COL5A1: variants seen among roughly 807,000 people sequenced by gnomAD.
COL5A1 encodes collagen alpha-1(V) chain.
A neutral mutation model predicts 263.7 loss-of-function variants in COL5A1; 16 were observed. The observed-to-expected ratio is 0.06, with a 90% CI of 0.04 to 0.09. COL5A1 has a LOEUF of 0.09. COL5A1 is among the 10% of genes least tolerant of loss of function. The probability of loss-of-function intolerance (pLI) is 1.00; values close to 1 mark genes in which losing one functional copy is unlikely to be tolerated. For missense variants in COL5A1, 2,036 were observed against 2,540.5 expected (o/e 0.80, Z 4.27); for synonymous variants, 1,012 against 1,004.5 (o/e 1.01, Z -0.14).
chr9:134,835,167 A>G lies in COL5A1; in HGVS notation c.5333A>G (p.Asn1778Ser). 6.2e-7 allele frequency: 1 copy of G among 1,613,770 alleles called. No homozygotes were observed. The highest frequency in any genetic ancestry group is 8.5e-7 in the Non-Finnish European group (1 of 1,180,020). Residue 1778 changes from asparagine to serine, a missense_variant, in exon 65 of 66, where the codon AAC (asparagine) becomes AGC (serine). By Grantham distance (46) the Asn-to-Ser change is conservative. Coordinates refer to ENST00000371817, the MANE Select transcript of COL5A1 (RefSeq NM_000093.5). ...GSNDEEMSYDNNPYIRALVDG... is the reference protein window; with the variant it reads ...GSNDEEMSYDSNPYIRALVDG... The stretch of plus-strand genomic sequence containing the variant: ...AACGACGAGGAGATGTCCTATGACA[A>G]CAACCCCTACATCCGCGCCCTGGTG...
At chr9:134,663,121 C>G (rs1354364507) in intron 1 of COL5A1, among the ~76,000 whole-genome samples, 1 of 152,260 alleles carries the variant, frequency 6.6e-6, no homozygotes, top group Admixed American at 6.5e-5. Flanking sequence ...TCCTGAACAA[C>G]TGTTCTCTGC....
chr9:134,762,731 G>A (rs778832183), intron 19 of COL5A1, among the ~76,000 whole-genome samples: 18 of 152,186 alleles, frequency 1.2e-4, no homozygotes, highest in South Asian at 6.2e-4. Flanking sequence ...GCAGCTCCAG[G>A]GGCATTTCTG....
intron 4 of COL5A1, among the ~76,000 whole-genome samples, chr9:134,707,193 G>A (rs3922912): frequency 0.38 from 57,442 of 152,046 alleles, 11,964 homozygotes; most frequent in Admixed American, 0.56. Context: ...GGGGACAGCC[G>A]GCCAGCGAGT....
chr9:134,743,037 T>C (rs1342068237), intron 11 of COL5A1, among the ~76,000 whole-genome samples: 2 of 152,184 alleles, frequency 1.3e-5, no homozygotes, highest in African/African-American at 4.8e-5. Flanking sequence ...GAGCGCCCCC[T>C]ACATCCATTC....
chr9:134,706,768 G>T (rs1833849955), intron 4 of COL5A1, among the ~76,000 whole-genome samples: 1 of 152,204 alleles, frequency 6.6e-6, no homozygotes, highest in Non-Finnish European at 1.5e-5. Context: ...AGCCCTCCCC[G>T]CACAGGCCCT....
Position 134,750,595 on chromosome 9 carries a change from A to G in COL5A1, c.1548A>G (p.Pro516=), listed in dbSNP as rs775862237. The change falls in exon 12 of 66, where the codon CCA becomes CCG. Residue 516 remains proline (P), a synonymous_variant. Transcript: ENST00000371817. Reference sequence around the variant, plus strand: ...GGGCCGATGGCCTGCCCGGTCCTCCAGGAACCATGCTCATGCTGCCCGTGA... The same window carrying G: ...GGGCCGATGGCCTGCCCGGTCCTCCGGGAACCATGCTCATGCTGCCCGTGA... The part of the protein sequence containing the change: ...LPGADGLPGP[P]GTMLMLPFRF... 2 of 1,613,416 alleles carry G rather than the reference A, an allele frequency of 1.2e-6. No individual in the cohort carries two copies. Among genetic ancestry groups the G allele is most frequent in the African/African-American group, 1.3e-5 (1 of 74,946 alleles).
chr9:134,708,115 C>T (rs1487063269), intron 4 of COL5A1, among the ~76,000 whole-genome samples: 2 of 152,072 alleles, frequency 1.3e-5, no homozygotes, highest in Non-Finnish European at 2.9e-5. Flanking sequence ...GGGCTTTCCC[C>T]GCCTTGGAAG....
chr9:134,691,006 C>T lies in COL5A1; in HGVS notation c.204C>T (p.Ser68=). 6.2e-7 allele frequency: 1 copy of T among 1,613,824 alleles called. No individual in the cohort carries two copies. The highest frequency in any genetic ancestry group is 8.5e-7 in the Non-Finnish European group (1 of 1,180,052). ...GCTTTTGCGCCACGCGGCGATCTTCCAAAGGCCCGGATGTCGCTTACAGAG... is the reference window on the plus strand; with the variant it reads ...GCTTTTGCGCCACGCGGCGATCTTCTAAAGGCCCGGATGTCGCTTACAGAG... ...TTGFCATRRS[S]KGPDVAYRVT... Residue 68 remains serine, a synonymous_variant, in exon 2 of 66, where the codon TCC becomes TCT. Transcript: ENST00000371817.
chr9:134,795,172 T>C (rs755551893), intron 33 of COL5A1, 46 bp downstream of exon 33: 3 of 1,613,228 alleles, frequency 1.9e-6, no homozygotes, highest in Non-Finnish European at 2.5e-6. Flanking sequence ...AACGGGAGCA[T>C]GGTTTAGGGA....
chr9:134,656,130 C>T lies in COL5A1; in HGVS notation c.109+13834C>T, dbSNP rs565677439. ...TCACAGTGGACAGGTGCAGGAGCCC[C>T]GGGGCCCCACCTTGCAGCTTCAGAT... On this transcript the variant is annotated intron_variant, in intron 1 of 65. Transcript: ENST00000371817. Among the ~76,000 whole-genome samples the T allele has an allele frequency of 5.3e-5, 8 of 152,206 alleles. No homozygotes were observed. In the South Asian group the frequency reaches 1.0e-3, roughly 20 times the overall value.
At position 134,727,266 on chromosome 9, in the gene COL5A1, G is replaced by A; in HGVS notation, c.655G>A (p.Gly219Ser). 6.2e-7 allele frequency: 1 copy of A among 1,613,668 alleles called. No homozygotes were observed. Among genetic ancestry groups the A allele is most frequent in the South Asian group, 1.1e-5 (1 of 91,058 alleles). Residue 219 changes from glycine (G) to serine (S), a missense_variant and splice_region_variant, in exon 5 of 66, where the codon GGT becomes AGT. Gly to Ser is a moderately conservative substitution (Grantham distance 56). Coordinates refer to ENST00000371817, the MANE Select transcript of COL5A1 (RefSeq NM_000093.5). ...TTCATGAGCGTCTCTTCTTTTCCAG[G>A]GTGACATCCAGCAGCTGCTCTTTGT... ...TRILDEEVFE[G>S]DIQQLLFVSD...
intron 31 of COL5A1, among the ~76,000 whole-genome samples, chr9:134,786,701 T>C (rs1837471203): frequency 6.8e-6 from 1 of 147,470 alleles, no homozygotes; most frequent in South Asian, 2.1e-4. Context: ...TTGAAAATGT[T>C]ATTTTTTTTC....
intron 11 of COL5A1, among the ~76,000 whole-genome samples, chr9:134,740,246 C>A (rs899805875): frequency 6.6e-6 from 1 of 152,212 alleles, no homozygotes; most frequent in Non-Finnish European, 1.5e-5. Context: ...AAACTCCAGA[C>A]AGGCAACAGC....
rs113990411 is a variant in COL5A1 at position 134,716,004 on chromosome 9, G to A, written c.655-11262G>A. The stretch of plus-strand genomic sequence containing the variant: ...GGTGGTGGTGGTGGTGGTGGTGGTG[G>A]TGATGATGTTAGTAGTGTGTTGGTT... On this transcript the variant is annotated intron_variant, in intron 4 of 65. Transcript: ENST00000371817. This position sits in a 1 kb window ranked among gnomAD's most constrained non-coding sequence, Gnocchi z 4.5. 0.023 allele frequency among the ~76,000 whole-genome samples: 3,105 copies of A among 135,164 alleles called. 110 individuals carry two copies. Among genetic ancestry groups the A allele is most frequent in the African/African-American group, 0.075 (2,908 of 38,758 alleles). 88.7% of individuals were successfully genotyped at this position (135,164 alleles called of 152,430 possible).
At chr9:134,825,718 C>T (rs1329553586) in intron 62 of COL5A1, 74 bp from the exon 63 acceptor site, 1 of 950,946 alleles carries the variant, frequency 1.1e-6, no homozygotes, top group African/African-American at 1.6e-5. Context: ...TGAAATGTCA[C>T]AGCGGCTTCC....
chr9:134,730,522 G>C (rs764276280), intron 7 of COL5A1, 47 bp downstream of exon 7: 4 of 1,611,778 alleles, frequency 2.5e-6, no homozygotes, highest in Non-Finnish European at 3.4e-6. Flanking sequence ...AGTGGGCCAA[G>C]GGCCAGGGCT....
chr9:134,791,221 A>G (rs1837680339), intron 32 of COL5A1, among the ~76,000 whole-genome samples: 1 of 152,208 alleles, frequency 6.6e-6, no homozygotes, highest in Admixed American at 6.5e-5. Flanking sequence ...GGCCCTGCCC[A>G]AGGACATTTC....
At chr9:134,705,414 G>A (rs1833806063) in intron 4 of COL5A1, among the ~76,000 whole-genome samples, 1 of 152,260 alleles carries the variant, frequency 6.6e-6, no homozygotes, top group Non-Finnish European at 1.5e-5. Context: ...CCTGAGTCTG[G>A]TTCTAGTGGG....
intron 6 of COL5A1, 62 bp from the exon 7 acceptor site, chr9:134,730,174 C>T (rs1834824998): frequency 6.2e-7 from 1 of 1,603,112 alleles, no homozygotes; most frequent in African/African-American, 1.3e-5. Flanking sequence ...CGGCAAGTCC[C>T]AGACCTGGCA....
Sources: allele counts gnomAD v4.1 joint callset (sites outside exome capture counted in the v4.1 genomes callset), GRCh38; gene constraint gnomAD v4.1.1; non-coding constraint Gnocchi (gnomAD v3.1); transcripts MANE v1.5; gene names NCBI Gene and HGNC (gene_info 2026-07-23, HGNC 2026-07-21).